Variants in C1orf226 observed in about 807,000 individuals in gnomAD.
C1orf226 encodes the protein chromosome 1 open reading frame 226, also known as uncharacterized protein C1orf226.
A neutral mutation model predicts 10.5 loss-of-function variants in C1orf226; 4 were observed. That is an observed-to-expected ratio of 0.38 (90% CI 0.19 to 0.87). The LOEUF (loss-of-function observed/expected upper bound fraction) is 0.87. Among genes scored for constraint, C1orf226 ranks in the 40% least tolerant of loss-of-function variants. The pLI, the probability that C1orf226 is intolerant of heterozygous loss-of-function variation, is 0.41. For missense variants in C1orf226, 313 were observed against 336.2 expected (o/e 0.93, Z 0.54); for synonymous variants, 125 against 139.3 (o/e 0.90, Z 0.72).
In C1orf226 at chr1:162,386,146, TGTCTG is replaced by T. The variant is rs1383406712; in HGVS notation, c.*2468_*2472del. 1 of 152,590 alleles carries T rather than the reference TGTCTG, an allele frequency of 6.6e-6. No homozygotes were observed. Among genetic ancestry groups the T allele is most frequent in the Non-Finnish European group, 1.5e-5 (1 of 68,340 alleles). The allele number at this position is 152,590 out of a possible 1,614,324, so 9.5% of individuals were successfully genotyped here. On this transcript the variant is annotated 3_prime_UTR_variant, in exon 2 of 2. Transcript: ENST00000458626. ...ACCTCGGGAGGCTCTCTGAGACTGG[TGTCTG>T]GTCTTAGATGCTGCACATAGTACCT...
intron 1 of C1orf226, 58 bp from the exon 2 acceptor site, chr1:162,383,124 G>T: frequency 2.7e-6 from 4 of 1,489,466 alleles, no homozygotes; most frequent in Non-Finnish European, 3.6e-6. Context: ...AAGATGGCAG[G>T]TGGATTGGTG....
Position 162,384,074 on chromosome 1 carries a change from C to T in C1orf226, c.*391C>T, listed in dbSNP as rs968714627. The stretch of plus-strand genomic sequence containing the variant: ...TTTGCCTGTCCCCTACATGCGCCTC[C>T]TCCCCTGCTGTTCTCCCTCCCACAC... On this transcript the variant is annotated 3_prime_UTR_variant, in exon 2 of 2. Transcript: ENST00000458626. 1 of 198,602 alleles carries T rather than the reference C, an allele frequency of 5.0e-6. No homozygotes were observed. The highest frequency in any genetic ancestry group is 1.0e-5 in the Non-Finnish European group (1 of 98,104). The allele number at this position is 198,602 out of a possible 1,614,324, so 12.3% of individuals were successfully genotyped here.
rs1648041503 is a variant in C1orf226, at chr1:162,384,408, CG to C, written c.*726del. On this transcript the variant is annotated 3_prime_UTR_variant, in exon 2 of 2. Transcript: ENST00000458626. The stretch of plus-strand genomic sequence containing the variant: ...AGGTTTCTCCCATCTGGTCAGATGT[CG>C]AACACAAAATGTGGGCATTCTGCAC... 2 of 141,316 alleles carry C rather than the reference CG, an allele frequency of 1.4e-5. No individual in the cohort carries two copies. Among genetic ancestry groups the C allele is most frequent in the South Asian group, 2.5e-4 (1 of 4,040 alleles). 8.8% of individuals were successfully genotyped at this position (141,316 alleles called of 1,614,324 possible). A position where few individuals can be genotyped will look rare whatever the true frequency, so the allele number is the denominator to read the frequency against.
In C1orf226 at chr1:162,381,993, C is replaced by T. The variant is rs748061884; in HGVS notation, c.92C>T (p.Ala31Val). 1.9e-6 allele frequency: 3 copies of T among 1,612,748 alleles called. No individual in the cohort carries two copies. Among genetic ancestry groups the T allele is most frequent in the East Asian group, 2.2e-5 (1 of 44,874 alleles). Residue 31 changes from alanine (A) to valine (V), a missense_variant, in exon 1 of 2, where the codon GCC becomes GTC. Coordinates refer to ENST00000458626, the MANE Select transcript of C1orf226 (RefSeq NM_001085375.2). ...TCCAAGCCCGTGGCCCCCGGCTCTGCCCCTCTGGGCTCTGGTGAGCCTGGG... is the reference window on the plus strand; with the variant it reads ...TCCAAGCCCGTGGCCCCCGGCTCTGTCCCTCTGGGCTCTGGTGAGCCTGGG... ...HLSKPVAPGS[A>V]PLGSGEPGGP...
upstream of C1orf226, among the ~76,000 whole-genome samples, chr1:162,381,523 G>A (rs1375740613): frequency 6.6e-6 from 1 of 152,184 alleles, no homozygotes; most frequent in Non-Finnish European, 1.5e-5. Context: ...TTACGGTGAT[G>A]TAAAAATGTC....
upstream of C1orf226, among the ~76,000 whole-genome samples, chr1:162,380,415 A>G (rs1350497908): frequency 6.6e-6 from 1 of 152,244 alleles, no homozygotes; most frequent in Non-Finnish European, 1.5e-5. Flanking sequence ...ACCACAAGAA[A>G]GGTTTTCACT....
rs866364866 is a variant in C1orf226, at chr1:162,383,895, G to A, written c.*212G>A. 2 of 564,008 alleles carry A rather than the reference G, an allele frequency of 3.5e-6. No homozygotes were observed. The highest frequency in any genetic ancestry group is 6.2e-6 in the Non-Finnish European group (2 of 324,982). The allele number at this position is 564,008 out of a possible 1,614,324, so 34.9% of individuals were successfully genotyped here. A position where few individuals can be genotyped will look rare whatever the true frequency, so the allele number is the denominator to read the frequency against. The stretch of plus-strand genomic sequence containing the variant: ...GAGTCTATCCGCAGAATGGCTGAAG[G>A]ACTTGATGCCGTTTTGAGCCTAATT... On this transcript the variant is annotated 3_prime_UTR_variant, in exon 2 of 2. Coordinates refer to ENST00000458626, the MANE Select transcript of C1orf226 (RefSeq NM_001085375.2).
At chr1:162,380,956 G>A (rs543695857), upstream of C1orf226, among the ~76,000 whole-genome samples, 62 of 152,306 alleles carry the variant, frequency 4.1e-4, no homozygotes, top group South Asian at 6.2e-3. Context: ...AACCTAATGG[G>A]TTTATACCCA....
upstream of C1orf226, among the ~76,000 whole-genome samples, chr1:162,380,849 C>T (rs1286210341): frequency 6.6e-6 from 1 of 152,218 alleles, no homozygotes; most frequent in Non-Finnish European, 1.5e-5. Context: ...TTTGGCGATT[C>T]AAGATCTGTA....
At chr1:162,381,018 T>C (rs1019787679), upstream of C1orf226, among the ~76,000 whole-genome samples, 2 of 152,212 alleles carry the variant, frequency 1.3e-5, no homozygotes, top group African/African-American at 4.8e-5. Context: ...AGAAGGACCA[T>C]GTACCAGGCA....
At position 162,383,305 on chromosome 1, in the gene C1orf226, T is replaced by C; in HGVS notation, c.441T>C (p.Ser147=). The change falls in exon 2 of 2, where the codon AGT becomes AGC. Residue 147 remains serine (S), a synonymous_variant. Coordinates refer to ENST00000458626, the MANE Select transcript of C1orf226 (RefSeq NM_001085375.2). ...MLISSQPVLS[S]LEYGTEPSPG... ...TTTCATCACAGCCTGTCCTCAGCAG[T>C]CTGGAGTATGGGACAGAGCCATCAC... The C allele has an allele frequency of 3.7e-6, 6 of 1,613,342 alleles. No homozygotes were observed. The highest frequency in any genetic ancestry group is 5.1e-6 in the Non-Finnish European group (6 of 1,179,586).
Position 162,383,193 on chromosome 1 carries a change from A to C in C1orf226, c.329A>C (p.Gln110Pro). 6.3e-7 allele frequency: 1 copy of C among 1,590,480 alleles called. No homozygotes were observed. The highest frequency in any genetic ancestry group is 8.6e-7 in the Non-Finnish European group (1 of 1,168,188). The change falls in exon 2 of 2, where the codon CAA becomes CCA. Residue 110 changes from glutamine to proline, a missense_variant. Gln to Pro is a moderately conservative substitution (Grantham distance 76). Coordinates refer to ENST00000458626, the MANE Select transcript of C1orf226 (RefSeq NM_001085375.2). ...CATTAACCTTACAGGTCAGTCCTGC[A>C]AGAAACATTTCCTCGGCTGGATCCT... Reference protein sequence around the residue: ...AWLEDERSVLQETFPRLDPPP... With the variant: ...AWLEDERSVLPETFPRLDPPP...
chr1:162,383,144 C>T, intron 1 of C1orf226, 38 bp from the exon 2 acceptor site: 1 of 1,523,624 alleles, frequency 6.6e-7, no homozygotes, highest in Non-Finnish European at 8.8e-7. Flanking sequence ...GTCTTGCTGT[C>T]CTTAAGGCAT....
In C1orf226 at chr1:162,384,205, T is replaced by G. The variant is rs1256718599; in HGVS notation, c.*522T>G. 6.4e-6 allele frequency: 1 copy of G among 156,786 alleles called. No individual in the cohort carries two copies. Among genetic ancestry groups the G allele is most frequent in the Non-Finnish European group, 1.4e-5 (1 of 71,216 alleles). The allele number at this position is 156,786 out of a possible 1,614,324, so 9.7% of individuals were successfully genotyped here. ...TTTGGCTTGATGACAGGCCATGGCC[T>G]AGAAAGCCACACACCCTGACCACAG... is the stretch of plus-strand genomic sequence containing the variant. On this transcript the variant is annotated 3_prime_UTR_variant, in exon 2 of 2. Coordinates refer to ENST00000458626, the MANE Select transcript of C1orf226 (RefSeq NM_001085375.2).
chr1:162,381,682 G>A, upstream of C1orf226: 1 of 1,398,796 alleles, frequency 7.1e-7, no homozygotes, highest in South Asian at 1.8e-5. Context: ...ATTAACTTGG[G>A]TGGGGCAGAG....
upstream of C1orf226, chr1:162,379,119 G>A: frequency 2.5e-6 from 2 of 786,392 alleles, no homozygotes; most frequent in Non-Finnish European, 4.2e-6. Context: ...GTACTGTTGG[G>A]AGGGCCACCT....
Position 162,383,880 on chromosome 1 carries a change from G to A in C1orf226, c.*197G>A, listed in dbSNP as rs896199963. On this transcript the variant is annotated 3_prime_UTR_variant, in exon 2 of 2. Coordinates refer to ENST00000458626, the MANE Select transcript of C1orf226 (RefSeq NM_001085375.2). Reference sequence around the variant, plus strand: ...GTAGTTCTAGTTAAAGAGTCTATCCGCAGAATGGCTGAAGGACTTGATGCC... The same window carrying A: ...GTAGTTCTAGTTAAAGAGTCTATCCACAGAATGGCTGAAGGACTTGATGCC... 55 of 588,666 alleles carry A rather than the reference G, an allele frequency of 9.3e-5. 1 individual carries two copies. Among genetic ancestry groups the A allele is most frequent in the African/African-American group, 3.3e-4 (18 of 53,878 alleles). 36.5% of individuals were successfully genotyped at this position (588,666 alleles called of 1,614,324 possible).
rs535149658 is a variant in C1orf226 at position 162,385,076 on chromosome 1, C to A, written c.*1393C>A. ...GGGGCTCTTTGCAGCAAGAGGAGAA[C>A]GTTCTTTTTCTTGAACAAGGTGGCC... On this transcript the variant is annotated 3_prime_UTR_variant, in exon 2 of 2. Transcript: ENST00000458626. 3 of 152,822 alleles carry A rather than the reference C, an allele frequency of 2.0e-5. No homozygotes were observed. The highest frequency in any genetic ancestry group is 2.0e-4 in the Admixed American group (3 of 15,296). The allele number at this position is 152,822 out of a possible 1,614,324, so 9.5% of individuals were successfully genotyped here.
chr1:162,383,462 C>A lies in C1orf226; in HGVS notation c.598C>A (p.Pro200Thr). 1.9e-6 allele frequency: 3 copies of A among 1,592,886 alleles called. No homozygotes were observed. Among genetic ancestry groups the A allele is most frequent in the Non-Finnish European group, 2.6e-6 (3 of 1,169,090 alleles). The part of the protein sequence containing the change: ...LPNGEVSLSV[P>T]DLIHKDSQDE... Reference sequence around the variant, plus strand: ...CAATGGAGAGGTTTCCCTGTCAGTACCTGACCTAATCCACAAGGATAGCCA... The same window carrying A: ...CAATGGAGAGGTTTCCCTGTCAGTAACTGACCTAATCCACAAGGATAGCCA... Residue 200 changes from proline to threonine, a missense_variant, in exon 2 of 2, where the codon CCT becomes ACT. By Grantham distance (38) the Pro-to-Thr change is conservative. Transcript: ENST00000458626.
Sources: gnomAD v4.1 joint callset for allele counts (sites outside exome capture counted in the v4.1 genomes callset) on GRCh38, gnomAD v4.1.1 for gene constraint, MANE v1.5 for transcripts, NCBI Gene and HGNC (gene_info 2026-07-23, HGNC 2026-07-21) for gene names.